Variants in CBX5 observed in about 807,000 individuals in gnomAD.
CBX5 encodes chromobox protein homolog 5.
CBX5 carries 7 observed loss-of-function variants against 20.7 expected under a neutral mutation model. That is an observed-to-expected ratio of 0.34 (90% CI 0.19 to 0.63). CBX5 has a LOEUF of 0.63. Among genes scored for constraint, CBX5 ranks in the 30% least tolerant of loss-of-function variants. CBX5 has a pLI of 0.75. For missense variants in CBX5, 110 were observed against 224.1 expected (o/e 0.49, Z 3.25); for synonymous variants, 78 against 77.0 (o/e 1.01, Z -0.07).
chr12:54,251,280 G>A (rs550354042), intron 3 of CBX5, among the ~76,000 whole-genome samples: 2 of 151,988 alleles, frequency 1.3e-5, no homozygotes, highest in South Asian at 2.1e-4. Context: ...CCAACATGGC[G>A]AAACCCCGTC....
intron 1 of CBX5, among the ~76,000 whole-genome samples, chr12:54,265,155 G>A (rs1943945279): frequency 6.6e-6 from 1 of 152,192 alleles, no homozygotes; most frequent in African/African-American, 2.4e-5. Context: ...GGCCCTTAGG[G>A]AGAGAGTGGC....
At chr12:54,255,308 CCAACA>C (rs1408235825) in intron 2 of CBX5, among the ~76,000 whole-genome samples, 4 of 151,892 alleles carry the variant, frequency 2.6e-5, no homozygotes, top group African/African-American at 9.7e-5. Context: ...GCCTGTAATC[CCAACA>C]CTTTGGGAGG....
chr12:54,246,298 CTAAGT>C lies in CBX5; in HGVS notation c.325-88_325-84del, dbSNP rs563081369. ...GCTTCTAGGCTCAACAAAACATAAC[CTAAGT>C]TAATATCTCCTGATATCATTTCTTT... On this transcript the variant is annotated intron_variant, in intron 3 of 4. Transcript: ENST00000209875. 9.6e-4 allele frequency: 974 copies of C among 1,015,048 alleles called. 3 individuals carry two copies. Among genetic ancestry groups the C allele is most frequent in the Non-Finnish European group, 1.3e-3 (885 of 664,824 alleles). The allele number at this position is 1,015,048 out of a possible 1,614,324, so 62.9% of individuals were successfully genotyped here.
intron 4 of CBX5, among the ~76,000 whole-genome samples, chr12:54,242,881 T>C (rs1232579624): frequency 6.6e-6 from 1 of 152,110 alleles, no homozygotes; most frequent in African/African-American, 2.4e-5. Context: ...TCCCAGCACT[T>C]TGGGAGGCTG....
chr12:54,246,982 A>ATTTTT (rs1015979435), intron 3 of CBX5, among the ~76,000 whole-genome samples: 1 of 152,002 alleles, frequency 6.6e-6, no homozygotes, highest in African/African-American at 2.4e-5. Context: ...CTCAATCTTT[A>ATTTTT]TTTTTTTAGA....
At chr12:54,260,834 G>A (rs1943909812) in intron 1 of CBX5, among the ~76,000 whole-genome samples, 1 of 152,004 alleles carries the variant, frequency 6.6e-6, no homozygotes, top group African/African-American at 2.4e-5. Context: ...TTATAGATGT[G>A]GGAACTTTAA....
chr12:54,263,096 C>T (rs1943926218), intron 1 of CBX5, among the ~76,000 whole-genome samples: 2 of 152,238 alleles, frequency 1.3e-5, no homozygotes, highest in South Asian at 2.1e-4. Context: ...CGCGGTGGCT[C>T]ACGCCTGTAA....
rs1352619469 is a variant in CBX5, at chr12:54,246,030, T to C, written c.425+85A>G. On this transcript the variant is annotated intron_variant, in intron 4 of 4. Transcript: ENST00000209875. Reference sequence around the variant, plus strand: ...ATTCAAAATTCATGGTTTGGGAATATGCAGTCTTGCCACCCTATCTTCCAC... The same window carrying C: ...ATTCAAAATTCATGGTTTGGGAATACGCAGTCTTGCCACCCTATCTTCCAC... 3 of 879,568 alleles carry C rather than the reference T, an allele frequency of 3.4e-6. No individual in the cohort carries two copies. In the Admixed American group the frequency reaches 5.3e-5, roughly 16 times the overall value. 54.5% of individuals were successfully genotyped at this position (879,568 alleles called of 1,614,324 possible).
rs1943827647 is a variant in CBX5, at chr12:54,253,310, G to A, written c.138-1083C>T. ...CACACCTGCAGTCCCAGCTACGCAG[G>A]AGGCTAGGGCATGAGAACTGCTTGA... On this transcript the variant is annotated intron_variant, in intron 2 of 4. Transcript: ENST00000209875. Among the ~76,000 whole-genome samples the A allele has an allele frequency of 2.0e-5, 3 of 152,086 alleles. No individual in the cohort carries two copies. In the South Asian group the frequency reaches 6.2e-4, roughly 32 times the overall value.
intron 1 of CBX5, chr12:54,272,598 T>C (rs1944021017): frequency 1.3e-5 from 2 of 152,182 alleles, no homozygotes; most frequent in Non-Finnish European, 1.5e-5. Flanking sequence ...TTCAGAAAGG[T>C]TTAAGCACAC....
intron 1 of CBX5, among the ~76,000 whole-genome samples, chr12:54,278,105 ATC>A (rs1944088175): frequency 6.6e-6 from 1 of 152,122 alleles, no homozygotes; most frequent in Non-Finnish European, 1.5e-5. Context: ...TCTGGAAACA[ATC>A]TGTCACAAAT....
At chr12:54,279,965 G>C (rs1479558646) in intron 1 of CBX5, 43 bp downstream of exon 1, 1 of 149,196 alleles carries the variant, frequency 6.7e-6, no homozygotes, top group East Asian at 2.0e-4. Context: ...AATGGAGTCA[G>C]TTCAAGACCT....
chr12:54,273,096 A>C (rs557601860), intron 1 of CBX5: 1 of 152,224 alleles, frequency 6.6e-6, no homozygotes, highest in African/African-American at 2.4e-5. Context: ...AGAGATTCTT[A>C]TCTTAATCCC....
chr12:54,267,904 G>A (rs1165665010), intron 1 of CBX5, among the ~76,000 whole-genome samples: 1 of 152,204 alleles, frequency 6.6e-6, no homozygotes, highest in Non-Finnish European at 1.5e-5. Flanking sequence ...AGCATTTTGG[G>A]AGGTGGAGGC....
At chr12:54,246,553 A>G (rs1393012560) in intron 3 of CBX5, among the ~76,000 whole-genome samples, 2 of 152,140 alleles carry the variant, frequency 1.3e-5, no homozygotes, top group African/African-American at 4.8e-5. Flanking sequence ...AGGCCAAGGC[A>G]GGCGAATCAC....
chr12:54,232,580 T>A lies in CBX5; in HGVS notation c.*9175A>T, dbSNP rs561601684. 2 of 152,250 alleles carry A rather than the reference T, an allele frequency of 1.3e-5. No homozygotes were observed. The highest frequency in any genetic ancestry group is 2.4e-5 in the African/African-American group (1 of 41,520). The allele number at this position is 152,250 out of a possible 1,614,324, so 9.4% of individuals were successfully genotyped here. Reference sequence around the variant, plus strand: ...ACAGAGTCAGCATCCACTCGATTCTTGTTCCATTTCCCAGAGCATTTTACC... The same window carrying A: ...ACAGAGTCAGCATCCACTCGATTCTAGTTCCATTTCCCAGAGCATTTTACC... On this transcript the variant is annotated 3_prime_UTR_variant, in exon 5 of 5. Transcript: ENST00000209875.
chr12:54,239,097 A>T lies in CBX5; in HGVS notation c.*2658T>A, dbSNP rs1200029589. 1 of 152,268 alleles carries T rather than the reference A, an allele frequency of 6.6e-6. No individual in the cohort carries two copies. Among genetic ancestry groups the T allele is most frequent in the Non-Finnish European group, 1.5e-5 (1 of 68,060 alleles). The allele number at this position is 152,268 out of a possible 1,614,324, so 9.4% of individuals were successfully genotyped here. ...GGCCTCTGGCTCCCTACATTCCTAT[A>T]GAACCAGCTGCAGGTAGGCAGGAAG... On this transcript the variant is annotated 3_prime_UTR_variant, in exon 5 of 5. Transcript: ENST00000209875.
At chr12:54,274,318 A>G (rs1944039120) in intron 1 of CBX5, 1 of 152,240 alleles carries the variant, frequency 6.6e-6, no homozygotes, top group Admixed American at 6.5e-5. Flanking sequence ...TCCTATTAGT[A>G]CAATGATCAG....
At chr12:54,259,939 G>A (rs954825446) in intron 1 of CBX5, among the ~76,000 whole-genome samples, 7 of 152,006 alleles carry the variant, frequency 4.6e-5, no homozygotes, top group Non-Finnish European at 7.4e-5. Flanking sequence ...TCTACAACAC[G>A]ATCAGTACAA....
Sources: gnomAD v4.1 joint callset for allele counts (sites outside exome capture counted in the v4.1 genomes callset) on GRCh38, gnomAD v4.1.1 for gene constraint, MANE v1.5 for transcripts, NCBI Gene and HGNC (gene_info 2026-07-23, HGNC 2026-07-21) for gene names.